Variants in MLLT10 observed in about 807,000 individuals in gnomAD.
MLLT10 encodes MLLT10 histone lysine methyltransferase DOT1L cofactor.
In MLLT10, 30 loss-of-function variants were observed where a neutral mutation model predicts 129.1. The ratio of observed to expected loss-of-function variants is 0.23; its 90% CI spans 0.17 to 0.32. The LOEUF is 0.32. Ranked by LOEUF, MLLT10 falls within the 10% of genes least tolerant of loss-of-function variation. The probability of loss-of-function intolerance (pLI) is 1.00; values close to 1 mark genes in which losing one functional copy is unlikely to be tolerated. For missense variants in MLLT10, 1,119 were observed against 1,268.3 expected (o/e 0.88, Z 1.79); for synonymous variants, 490 against 446.4 (o/e 1.10, Z -1.23).
In MLLT10 at chr10:21,673,801, A is replaced by T. The variant is rs752752123; in HGVS notation, c.1503A>T (p.Thr501=). The stretch of plus-strand genomic sequence containing the variant: ...TCTCAGTTTCTTCTGCTTCACCAAC[A>T]TCATCTGTAGCATCAGCTGCAGGAA... ...SHLSVSSASP[T]SSVASAAGSI... is the part of the protein sequence containing the mutation. Residue 501 remains threonine (T), a synonymous_variant, in exon 11 of 23, where the codon ACA becomes ACT. Coordinates refer to ENST00000307729, the MANE Select transcript of MLLT10 (RefSeq NM_001195626.3). The T allele has an allele frequency of 6.2e-7, 1 of 1,614,176 alleles. No individual in the cohort carries two copies.
chr10:21,702,863 T>C (rs1178423688), intron 13 of MLLT10, among the ~76,000 whole-genome samples: 2 of 152,214 alleles, frequency 1.3e-5, no homozygotes, highest in African/African-American at 2.4e-5. Context: ...TTGGACCTTG[T>C]TTTTTAATTC....
At chr10:21,612,326 C>CT (rs369797804) in intron 5 of MLLT10, 22 bp from the exon 6 acceptor site, 19,044 of 1,215,648 alleles carry the variant, frequency 0.016, no homozygotes, top group South Asian at 0.018. Flanking sequence ...TGATTTTTGT[C>CT]TTTTTTTTTT....
At chr10:21,643,082 G>A (rs1477004266) in intron 8 of MLLT10, among the ~76,000 whole-genome samples, 1 of 151,734 alleles carries the variant, frequency 6.6e-6, no homozygotes, top group Non-Finnish European at 1.5e-5. Flanking sequence ...ACCCAGGCTG[G>A]AGTGCAGTGG....
chr10:21,550,381 T>C, intron 3 of MLLT10, among the ~76,000 whole-genome samples: 1 of 152,216 alleles, frequency 6.6e-6, no homozygotes, highest in East Asian at 1.9e-4. Context: ...CATGGATCCT[T>C]ATCAGCTCTT....
intron 3 of MLLT10, among the ~76,000 whole-genome samples, chr10:21,570,359 C>T (rs1004154615): frequency 1.3e-5 from 2 of 152,196 alleles, no homozygotes; most frequent in African/African-American, 4.8e-5. Context: ...AGGCATGAGC[C>T]ACTGCGCTCA....
At chr10:21,615,769 T>G (rs1044022580) in intron 7 of MLLT10, among the ~76,000 whole-genome samples, 1 of 152,158 alleles carries the variant, frequency 6.6e-6, no homozygotes, top group Non-Finnish European at 1.5e-5. Context: ...TTGGGAATTC[T>G]TTAGATTTGG....
intron 8 of MLLT10, among the ~76,000 whole-genome samples, chr10:21,649,334 C>T (rs1175986865): frequency 6.6e-6 from 1 of 152,208 alleles, no homozygotes; most frequent in Non-Finnish European, 1.5e-5. Flanking sequence ...GCCTTGGCTT[C>T]CCAAAGTGCC....
intron 6 of MLLT10, among the ~76,000 whole-genome samples, chr10:21,614,090 C>G (rs1342687679): frequency 6.6e-6 from 1 of 150,984 alleles, no homozygotes; most frequent in Non-Finnish European, 1.5e-5. Context: ...TGATGGTGTA[C>G]TCCTGTAGTC....
chr10:21,655,058 A>G (rs1461627254), intron 9 of MLLT10, among the ~76,000 whole-genome samples: 3 of 152,168 alleles, frequency 2.0e-5, no homozygotes, highest in East Asian at 3.9e-4. Flanking sequence ...ATTTAAGAGT[A>G]GGATATATGA....
chr10:21,711,400 C>T (rs1364337558), intron 13 of MLLT10, among the ~76,000 whole-genome samples: 4 of 150,368 alleles, frequency 2.7e-5, no homozygotes, highest in African/African-American at 7.4e-5. Flanking sequence ...CCAGCCTGGG[C>T]AACAGAGCAA....
chr10:21,673,317 A>AATT, intron 10 of MLLT10, 33 bp from the exon 11 acceptor site: 2 of 173,604 alleles, frequency 1.2e-5, no homozygotes, highest in East Asian at 1.0e-4. Context: ...CCACCCCCCA[A>AATT]CTTTTTTTTT....
chr10:21,680,104 T>C (rs1197199280), intron 11 of MLLT10, among the ~76,000 whole-genome samples: 2 of 152,188 alleles, frequency 1.3e-5, no homozygotes, highest in African/African-American at 4.8e-5. Context: ...TTTATTAGTG[T>C]TTTATTCCTT....
chr10:21,713,035 G>A (rs1297234169), intron 13 of MLLT10, among the ~76,000 whole-genome samples: 1 of 152,038 alleles, frequency 6.6e-6, no homozygotes, highest in Non-Finnish European at 1.5e-5. Flanking sequence ...TCCCCATGGT[G>A]CCTCTCAAAG....
At chr10:21,617,822 A>G (rs1369201866) in intron 8 of MLLT10, among the ~76,000 whole-genome samples, 1 of 152,208 alleles carries the variant, frequency 6.6e-6, no homozygotes, top group African/African-American at 2.4e-5. Flanking sequence ...ATACTGGAAA[A>G]TCATTTGTAC....
rs116618065 is a variant in MLLT10 at position 21,656,799 on chromosome 10, A to G, written c.795+5031A>G. ...CACCGGTGATACATAAGCATTGTTC[A>G]CTAAGATTGTTATCAGAGGGAGTAA... On this transcript the variant is annotated intron_variant, in intron 9 of 22. Coordinates refer to ENST00000307729, the MANE Select transcript of MLLT10 (RefSeq NM_001195626.3). Among the ~76,000 whole-genome samples, 708 of 152,316 alleles carry G rather than the reference A, an allele frequency of 4.6e-3. 3 individuals are homozygous for G. The highest frequency in any genetic ancestry group is 0.016 in the African/African-American group (661 of 41,558).
At chr10:21,676,754 AAAT>A in intron 11 of MLLT10, among the ~76,000 whole-genome samples, 2 of 147,892 alleles carry the variant, frequency 1.4e-5, no homozygotes, top group Non-Finnish European at 3.0e-5. Flanking sequence ...AAAAAAAAAA[AAAT>A]TACTCTGAAG....
chr10:21,692,188 A>G (rs2053924617), intron 13 of MLLT10, among the ~76,000 whole-genome samples: 1 of 151,984 alleles, frequency 6.6e-6, no homozygotes, highest in East Asian at 1.9e-4. Flanking sequence ...AATAAAAAAT[A>G]AAAGGACTTA....
Position 21,657,503 on chromosome 10 carries a change from C to T in MLLT10, c.795+5735C>T, listed in dbSNP as rs374435645. Among the ~76,000 whole-genome samples, 100 of 151,712 alleles carry T rather than the reference C, an allele frequency of 6.6e-4. 1 individual carries two copies. The South Asian group carries it at 0.021, about 32-fold the overall frequency. ...AAGAAATTCGTAGATGCTTATAAGCCACAGTTCTCTTTTTAAATTGACAAA... is the reference window on the plus strand; with the variant it reads ...AAGAAATTCGTAGATGCTTATAAGCTACAGTTCTCTTTTTAAATTGACAAA... On this transcript the variant is annotated intron_variant, in intron 9 of 22. Coordinates refer to ENST00000307729, the MANE Select transcript of MLLT10 (RefSeq NM_001195626.3).
intron 14 of MLLT10, among the ~76,000 whole-genome samples, chr10:21,717,253 CAAAAAA>C (rs747244556): frequency 0.017 from 1,058 of 63,554 alleles, 16 homozygotes; most frequent in African/African-American, 0.06. Flanking sequence ...AACTCCGTCT[CAAAAAA>C]AAAAAAAAAA....
Sources: allele counts gnomAD v4.1 joint callset (sites outside exome capture counted in the v4.1 genomes callset), GRCh38; gene constraint gnomAD v4.1.1; transcripts MANE v1.5; gene names NCBI Gene and HGNC (gene_info 2026-07-23, HGNC 2026-07-21).